The following SON variants were observed in gnomAD, a reference collection of about 807,000 sequenced individuals.
SON encodes the protein SON DNA and RNA binding protein.
In SON, 4 loss-of-function variants were observed where a neutral mutation model predicts 173.3. The observed-to-expected ratio is 0.02, with a 90% confidence interval of 0.01 to 0.05. The LOEUF is 0.05. Among genes scored for constraint, SON ranks in the 10% least tolerant of loss-of-function variants. SON has a pLI of 1.00. For missense variants in SON, 2,626 were observed against 3,055.3 expected (o/e 0.86, Z 3.31); for synonymous variants, 1,190 against 1,105.9 (o/e 1.08, Z -1.51).
Position 33,554,323 on chromosome 21 carries a change from C to T in SON, c.5092C>T (p.Pro1698Ser). ...CCAGACATTAGCAGCTCTGCTCAGC[C>T]CTAAAGAAAGTAGTGGAGGAGAAAA... ...SDQTLAALLS[P>S]KESSGGEKEV... The change falls in exon 3 of 12, where the codon CCT (proline) becomes TCT (serine). Residue 1698 changes from proline (P) to serine (S), a missense_variant. Transcript: ENST00000356577. The T allele has an allele frequency of 6.2e-7, 1 of 1,614,086 alleles. No homozygotes were observed. The highest frequency in any genetic ancestry group is 8.5e-7 in the Non-Finnish European group (1 of 1,180,022).
chr21:33,553,478 C>A lies in SON; in HGVS notation c.4247C>A (p.Ser1416Tyr). 1 of 1,614,250 alleles carries A rather than the reference C, an allele frequency of 6.2e-7. No individual in the cohort carries two copies. Among genetic ancestry groups the A allele is most frequent in the Non-Finnish European group, 8.5e-7 (1 of 1,180,046 alleles). Residue 1416 changes from serine (S) to tyrosine (Y), a missense_variant, in exon 3 of 12, where the codon TCT becomes TAT. Physicochemically the swap from Ser to Tyr is moderately radical, Grantham distance 144. Around this residue, in one of 13 missense-constraint regions of SON, gnomAD observed 1,006 missense variants for 895.6 expected, o/e 1.12. Coordinates refer to ENST00000356577, the MANE Select transcript of SON (RefSeq NM_138927.4). ...PVPVVSALEPSVPVLEPAVSV... is the reference protein window; with the variant it reads ...PVPVVSALEPYVPVLEPAVSV... ...CCAGTTGTTTCTGCGCTGGAGCCTT[C>A]TGTGCCTGTTCTGGAACCAGCGGTG...
At chr21:33,570,915 A>G (rs1413360011) in intron 8 of SON, among the ~76,000 whole-genome samples, 1 of 152,234 alleles carries the variant, frequency 6.6e-6, no homozygotes, top group Admixed American at 6.5e-5. Context: ...AATAACTTAA[A>G]TAACTTTTAA....
At chr21:33,546,703 C>T (rs2085624085) in intron 2 of SON, 1 of 181,854 alleles carries the variant, frequency 5.5e-6, no homozygotes, top group Non-Finnish European at 1.1e-5. Context: ...ATCGCATGAA[C>T]CCAGGAGGCG....
chr21:33,571,294 T>G (rs892119961), intron 8 of SON, among the ~76,000 whole-genome samples: 2 of 152,206 alleles, frequency 1.3e-5, no homozygotes, highest in South Asian at 2.1e-4. Flanking sequence ...AAATTTAGGA[T>G]GTATGATCCA....
chr21:33,556,645 T>G (rs1189095980), intron 3 of SON, among the ~76,000 whole-genome samples: 6 of 143,608 alleles, frequency 4.2e-5, no homozygotes, highest in Non-Finnish European at 7.5e-5. Context: ...ACCTGGGAGG[T>G]GGAAGTTGCA....
chr21:33,550,538 C>T lies in SON; in HGVS notation c.1307C>T (p.Pro436Leu), dbSNP rs750797268. 6 of 1,613,864 alleles carry T rather than the reference C, an allele frequency of 3.7e-6. No homozygotes were observed. The African/African-American group carries it at 8.0e-5, about 22-fold the overall frequency. Residue 436 changes from proline to leucine, a missense_variant, in exon 3 of 12, where the codon CCT becomes CTT. Physicochemically the swap from Pro to Leu is moderately conservative, Grantham distance 98 (BLOSUM62 -3). Coordinates refer to ENST00000356577, the MANE Select transcript of SON (RefSeq NM_138927.4). ...ELPGPPATAV[P>L]ELPGPSVTPV... ...CCAGGGCCCCCTGCGACAGCAGTGC[C>T]TGAGTTGCCAGGGCCCTCTGTGACA... is the stretch of plus-strand genomic sequence containing the variant.
chr21:33,570,250 A>T (rs551076096), intron 8 of SON: 1 of 152,368 alleles, frequency 6.6e-6, no homozygotes, highest in African/African-American at 2.4e-5. Context: ...AGTGGTAATC[A>T]GTAACGTGAT....
intron 9 of SON, among the ~76,000 whole-genome samples, chr21:33,574,865 C>T (rs2086364285): frequency 6.6e-6 from 1 of 152,106 alleles, no homozygotes; most frequent in Non-Finnish European, 1.5e-5. Flanking sequence ...GAGAACATCT[C>T]CCATTTGTTA....
Position 33,553,583 on chromosome 21 carries a change from C to T in SON, c.4352C>T (p.Ala1451Val), listed in dbSNP as rs1345082982. 3.1e-6 allele frequency: 5 copies of T among 1,613,984 alleles called. No individual in the cohort carries two copies. In the Admixed American group the frequency reaches 5.0e-5, roughly 16 times the overall value. Residue 1451 changes from alanine (A) to valine (V), a missense_variant, in exon 3 of 12, where the codon GCT becomes GTT. By Grantham distance (64) the Ala-to-Val change is moderately conservative (BLOSUM62 0). Coordinates refer to ENST00000356577, the MANE Select transcript of SON (RefSeq NM_138927.4). ...TCGACTGTGACAGTTTCAGAGCCTG[C>T]TGTCACAGTCTCAGAGCAGACTCAA... ...QESTVTVSEP[A>V]VTVSEQTQVI...
Position 33,546,286 on chromosome 21 carries a change from G to C in SON, c.151G>C (p.Ala51Pro). 6.2e-7 allele frequency: 1 copy of C among 1,613,764 alleles called. No individual in the cohort carries two copies. The highest frequency in any genetic ancestry group is 8.5e-7 in the Non-Finnish European group (1 of 1,179,748). The part of the protein sequence containing the change: ...IEGNQAGDAA[A>P]SARSLPNEEI... ...AGGAAACCAGGCGGGTGATGCAGCT[G>C]CCTCTGCCAGGAGTCTACCAAATGA... The change falls in exon 2 of 12, where the codon GCC (alanine) becomes CCC (proline). Residue 51 changes from alanine (A) to proline (P), a missense_variant. This residue lies in a region of SON where 757 missense variants were observed against 730.1 expected (regional missense o/e 1.04). Transcript: ENST00000356577.
chr21:33,559,578 A>AT lies in SON; in HGVS notation c.6469-3dup, dbSNP rs765754719. 6 of 1,600,456 alleles carry AT rather than the reference A, an allele frequency of 3.7e-6. No individual in the cohort carries two copies. The African/African-American group carries it at 8.1e-5, about 22-fold the overall frequency. On this transcript the variant is annotated splice_polypyrimidine_tract_variant and intron_variant, in intron 5 of 11. Coordinates refer to ENST00000356577, the MANE Select transcript of SON (RefSeq NM_138927.4). This position sits in a 1 kb window ranked among gnomAD's most constrained non-coding sequence, Gnocchi z 4.1. The stretch of plus-strand genomic sequence containing the variant: ...TTGAGCTTTAATTAAGAAACACTTT[A>AT]TTTTTTAGATTGCTGCAGCAAAACC...
chr21:33,559,221 C>T lies in SON; in HGVS notation c.6322-9C>T, dbSNP rs2086024592. 1.3e-6 allele frequency: 2 copies of T among 1,526,324 alleles called. No homozygotes were observed. Among genetic ancestry groups the T allele is most frequent in the Non-Finnish European group, 1.8e-6 (2 of 1,138,198 alleles). The allele number at this position is 1,526,324 out of a possible 1,614,324, so 94.5% of individuals were successfully genotyped here. A position where few individuals can be genotyped will look rare whatever the true frequency, so the allele number is the denominator to read the frequency against. ...AAGATTTATCTTTTGTTTGTTTTTACTTTTAAAGAAATGTAAACAGATCGC... is the reference window on the plus strand; with the variant it reads ...AAGATTTATCTTTTGTTTGTTTTTATTTTTAAAGAAATGTAAACAGATCGC... On this transcript the variant is annotated splice_polypyrimidine_tract_variant and intron_variant, in intron 4 of 11. Coordinates refer to ENST00000356577, the MANE Select transcript of SON (RefSeq NM_138927.4). This position sits in a 1 kb window ranked among gnomAD's most constrained non-coding sequence, Gnocchi z 4.1.
rs1022320616 is a variant in SON at position 33,552,216 on chromosome 21, T to C, written c.2985T>C (p.Ser995=). The C allele has an allele frequency of 6.2e-7, 1 of 1,614,186 alleles. No homozygotes were observed. The highest frequency in any genetic ancestry group is 8.5e-7 in the Non-Finnish European group (1 of 1,180,008). ...CACCTAGACCCCTGATGTTAGCATC[T>C]AGACGTTCTATGATGATGTCCTATG... ...RLAPRPLMLA[S]RRSMMMSYAA... Residue 995 remains serine, a synonymous_variant, in exon 3 of 12, where the codon TCT becomes TCC. Coordinates refer to ENST00000356577, the MANE Select transcript of SON (RefSeq NM_138927.4). The surrounding 1 kb of genome is among the most constrained non-coding windows in gnomAD (Gnocchi z 5.6).
At chr21:33,573,007 C>T (rs12627096) in intron 8 of SON, 1 of 254,954 alleles carries the variant, frequency 3.9e-6, no homozygotes, top group African/African-American at 2.3e-5. Context: ...ACCAGTGAAC[C>T]TAAATAGTGG....
In SON at chr21:33,569,665, G is replaced by A. The variant is rs985651876; in HGVS notation, c.6885+578G>A. 3.6e-5 allele frequency: 16 copies of A among 448,864 alleles called. No homozygotes were observed. In the Admixed American group the frequency reaches 4.2e-4, roughly 12 times the overall value. 27.8% of individuals were successfully genotyped at this position (448,864 alleles called of 1,614,324 possible). ...CAGGACCTTTTGGTTGTCAGCTGCT[G>A]GTTACAGCAAGTGGTTGGGAGGCCC... On this transcript the variant is annotated intron_variant, in intron 8 of 11. Coordinates refer to ENST00000356577, the MANE Select transcript of SON (RefSeq NM_138927.4).
At chr21:33,545,928 A>G (rs1410048649) in intron 1 of SON, among the ~76,000 whole-genome samples, 5 of 152,234 alleles carry the variant, frequency 3.3e-5, no homozygotes, top group African/African-American at 9.6e-5. Flanking sequence ...GGGTATCCCA[A>G]AAGCCTAAAG....
At chr21:33,549,437 T>C (rs1265928319) in intron 2 of SON, 39 bp from the exon 3 acceptor site, 1 of 1,483,772 alleles carries the variant, frequency 6.7e-7, no homozygotes, top group Non-Finnish European at 9.0e-7. Context: ...AACTCTACTT[T>C]GGGGAATGTC....
At chr21:33,546,128 A>G in intron 1 of SON, 85 bp from the exon 2 acceptor site, 1 of 1,167,090 alleles carries the variant, frequency 8.6e-7, no homozygotes, top group Non-Finnish European at 1.2e-6. Flanking sequence ...CAGTCAGTAC[A>G]ACATATGATT....
chr21:33,554,476 A>G lies in SON; in HGVS notation c.5245A>G (p.Arg1749Gly), dbSNP rs749514675. 2 of 1,614,202 alleles carry G rather than the reference A, an allele frequency of 1.2e-6. No individual in the cohort carries two copies. The highest frequency in any genetic ancestry group is 2.2e-5 in the South Asian group (2 of 91,086). The change falls in exon 3 of 12, where the codon AGA (arginine) becomes GGA (glycine). Residue 1749 changes from arginine to glycine, a missense_variant. Arg to Gly is a moderately radical substitution (Grantham distance 125). Around this residue, in one of 13 missense-constraint regions of SON, gnomAD observed 1,006 missense variants for 895.6 expected, o/e 1.12. Coordinates refer to ENST00000356577, the MANE Select transcript of SON (RefSeq NM_138927.4). The stretch of plus-strand genomic sequence containing the variant: ...GGACATGGAACGTCTTACAAGCCTT[A>G]GAGCTGGCATTGAAGGACCTTTACT... ...PKDMERLTSL[R>G]AGIEGPLLAS...
Sources: allele counts gnomAD v4.1 joint callset (sites outside exome capture counted in the v4.1 genomes callset), GRCh38; gene constraint gnomAD v4.1.1; regional missense constraint gnomAD v4.1.1; non-coding constraint Gnocchi (gnomAD v3.1); transcripts MANE v1.5; gene names NCBI Gene and HGNC (gene_info 2026-07-23, HGNC 2026-07-21).